HSD17B12: variants seen among roughly 807,000 people sequenced by gnomAD.
The protein encoded by HSD17B12 is hydroxysteroid 17-beta dehydrogenase 12.
In HSD17B12, 32 loss-of-function variants were observed where a neutral mutation model predicts 39.3. The observed-to-expected ratio is 0.81, with a 90% CI of 0.61 to 1.09. The LOEUF (loss-of-function observed/expected upper bound fraction) is 1.09, where lower values mean the gene tolerates loss of function less well. Ranked by LOEUF, HSD17B12 falls within the 50% of genes least tolerant of loss-of-function variation. The pLI, the probability that HSD17B12 is intolerant of heterozygous loss-of-function variation, is 0.00. For missense variants in HSD17B12, 342 were observed against 382.9 expected, an observed-to-expected ratio of 0.89 and a Z score of 0.89; for synonymous variants, 150 against 146.7, an observed-to-expected ratio of 1.02 and a Z score of -0.16.
the HSD17B12 span, among the ~76,000 whole-genome samples, chr11:43,647,979 A>C: frequency 6.6e-6 from 1 of 152,200 alleles, no homozygotes; most frequent in East Asian, 1.9e-4. Flanking sequence ...TGGGTAGGAC[A>C]GAGCAAACCA....
chr11:43,723,374 G>A (rs544792836), intron 1 of HSD17B12, among the ~76,000 whole-genome samples: 1 of 152,230 alleles, frequency 6.6e-6, no homozygotes, highest in Non-Finnish European at 1.5e-5. Flanking sequence ...GAGCCATTTG[G>A]AGATAGCATT....
At chr11:43,734,149 CT>C in intron 1 of HSD17B12, 2 of 1,556,550 alleles carry the variant, frequency 1.3e-6, no homozygotes, top group Non-Finnish European at 1.8e-6. Flanking sequence ...TGGTGGCACG[CT>C]TTGATGCTGG....
intron 7 of HSD17B12, among the ~76,000 whole-genome samples, chr11:43,836,093 T>C: frequency 6.6e-6 from 1 of 152,182 alleles, no homozygotes; most frequent in Non-Finnish European, 1.5e-5. Flanking sequence ...AGAAATGAAA[T>C]TTAAAATGTA....
chr11:43,718,971 T>C, intron 1 of HSD17B12: 2 of 1,048,624 alleles, frequency 1.9e-6, no homozygotes, highest in South Asian at 1.3e-5. Context: ...CTTGTGTTCA[T>C]TGTGGATGTT....
the HSD17B12 span, among the ~76,000 whole-genome samples, chr11:43,629,625 A>G: frequency 1.3e-5 from 2 of 152,314 alleles, no homozygotes; most frequent in African/African-American, 4.8e-5. Flanking sequence ...CAAAGGACAT[A>G]GTACTTGGAC....
At chr11:43,594,449 A>G in the HSD17B12 span, among the ~76,000 whole-genome samples, 3 of 152,070 alleles carry the variant, frequency 2.0e-5, no homozygotes, top group Non-Finnish European at 4.4e-5. Context: ...TATATATTTT[A>G]TGAGGAAATT....
intron 9 of HSD17B12, among the ~76,000 whole-genome samples, chr11:43,850,944 G>A (rs1590350483): frequency 1.3e-5 from 2 of 152,026 alleles, no homozygotes; most frequent in Non-Finnish European, 2.9e-5. Context: ...GCCTGTAATC[G>A]CAGCTACTCA....
At chr11:43,623,366 T>C in the HSD17B12 span, among the ~76,000 whole-genome samples, 3 of 151,470 alleles carry the variant, frequency 2.0e-5, no homozygotes, top group Non-Finnish European at 4.4e-5. Context: ...GAAAGAATGA[T>C]AAGCAAAGCA....
intron 6 of HSD17B12, among the ~76,000 whole-genome samples, chr11:43,816,756 A>T (rs1271738095): frequency 6.6e-6 from 1 of 151,870 alleles, no homozygotes; most frequent in African/African-American, 2.4e-5. Context: ...GTAGTCTTTT[A>T]TCCCTTACCC....
chr11:43,729,424 C>A (rs1950249217), intron 1 of HSD17B12, among the ~76,000 whole-genome samples: 1 of 152,206 alleles, frequency 6.6e-6, no homozygotes, highest in South Asian at 2.1e-4. Flanking sequence ...ACTATAACTT[C>A]AGGCATCAGA....
chr11:43,719,408 C>T (rs1950155855), intron 1 of HSD17B12, among the ~76,000 whole-genome samples: 1 of 152,114 alleles, frequency 6.6e-6, no homozygotes, highest in African/African-American at 2.4e-5. Flanking sequence ...TTGAGGGTAA[C>T]AAGAAGCTTT....
At chr11:43,650,837 T>G in the HSD17B12 span, among the ~76,000 whole-genome samples, 1 of 152,230 alleles carries the variant, frequency 6.6e-6, no homozygotes, top group Non-Finnish European at 1.5e-5. Flanking sequence ...AAATGGAAAA[T>G]TCTGGAAATA....
At chr11:43,825,334 A>G (rs1951224095) in intron 6 of HSD17B12, among the ~76,000 whole-genome samples, 1 of 152,166 alleles carries the variant, frequency 6.6e-6, no homozygotes. Flanking sequence ...AGTAGATGAT[A>G]AAAGTTTAGA....
At chr11:43,711,330 TAGAA>T (rs1406889754) in intron 1 of HSD17B12, among the ~76,000 whole-genome samples, 5 of 152,320 alleles carry the variant, frequency 3.3e-5, no homozygotes, top group African/African-American at 1.2e-4. Context: ...ATTTTATCTT[TAGAA>T]AGAAGCTATT....
chr11:43,652,823 G>C, the HSD17B12 span, among the ~76,000 whole-genome samples: 11 of 152,224 alleles, frequency 7.2e-5, no homozygotes, highest in South Asian at 2.3e-3. Flanking sequence ...GTCTTCTATG[G>C]AGACTTCGTT....
the HSD17B12 span, among the ~76,000 whole-genome samples, chr11:43,574,985 A>G: frequency 4.6e-5 from 7 of 152,224 alleles, no homozygotes; most frequent in African/African-American, 1.2e-4. Flanking sequence ...AAGCCGCAGT[A>G]GCAAGCCGGA....
intron 1 of HSD17B12, chr11:43,719,025 A>G (rs758242685): frequency 6.2e-5 from 59 of 945,802 alleles, no homozygotes; most frequent in Middle Eastern, 3.1e-4. Flanking sequence ...AAGAAGCTCT[A>G]TGACATTGAT....
the HSD17B12 span, among the ~76,000 whole-genome samples, chr11:43,588,073 A>G: frequency 6.6e-6 from 1 of 152,316 alleles, no homozygotes; most frequent in Non-Finnish European, 1.5e-5. Flanking sequence ...CCCAGTTCTG[A>G]GTCTTTCTGA....
chr11:43,855,306 A>G lies in HSD17B12; in HGVS notation c.*58A>G. 1.0e-6 allele frequency: 1 copy of G among 980,922 alleles called. No individual in the cohort carries two copies. Among genetic ancestry groups the G allele is most frequent in the Non-Finnish European group, 1.5e-6 (1 of 651,410 alleles). The allele number at this position is 980,922 out of a possible 1,614,324, so 60.8% of individuals were successfully genotyped here. Reference sequence around the variant, plus strand: ...GCTCCAGCATATGCACGTTCACTGCAAAGCACCCTACTGGTTTTGAAAATC... The same window carrying G: ...GCTCCAGCATATGCACGTTCACTGCGAAGCACCCTACTGGTTTTGAAAATC... On this transcript the variant is annotated 3_prime_UTR_variant, in exon 11 of 11. Transcript: ENST00000278353.
Sources: gnomAD v4.1 joint callset for allele counts (sites outside exome capture counted in the v4.1 genomes callset) on GRCh38, gnomAD v4.1.1 for gene constraint, MANE v1.5 for transcripts, NCBI Gene and HGNC (gene_info 2026-07-23, HGNC 2026-07-21) for gene names.